Variants in ZFYVE1 observed in about 807,000 individuals in gnomAD.
ZFYVE1 encodes zinc finger FYVE-type containing 1.
Under a neutral mutation model 74.4 loss-of-function variants are expected in ZFYVE1, and 30 were observed. That is an observed-to-expected ratio of 0.40 (90% CI 0.30 to 0.55). ZFYVE1 has a LOEUF of 0.55. Ranked by LOEUF, ZFYVE1 falls within the 20% of genes least tolerant of loss-of-function variation. ZFYVE1 has a pLI of 0.42. For missense variants in ZFYVE1, 703 were observed against 1,011.6 expected, an observed-to-expected ratio of 0.69 and a Z score of 4.14; for synonymous variants, 335 against 385.1, an observed-to-expected ratio of 0.87 and a Z score of 1.52.
chr14:72,974,284 T>C (rs1893109091), intron 10 of ZFYVE1, 91 bp from the exon 11 acceptor site: 1 of 1,221,488 alleles, frequency 8.2e-7, no homozygotes, highest in South Asian at 1.3e-5. Context: ...TTCTGGATTC[T>C]GATCCCAGAC....
intron 4 of ZFYVE1, among the ~76,000 whole-genome samples, chr14:72,982,565 A>G (rs1893362819): frequency 6.6e-6 from 1 of 152,168 alleles, no homozygotes; most frequent in Admixed American, 6.6e-5. Flanking sequence ...TCCATTCCTA[A>G]TCCTATCTTC....
At chr14:72,983,796 A>C (rs963652568) in intron 4 of ZFYVE1, among the ~76,000 whole-genome samples, 3 of 152,220 alleles carry the variant, frequency 2.0e-5, no homozygotes, top group Non-Finnish European at 4.4e-5. Flanking sequence ...ACTAGTTTAC[A>C]GTCCCACCAA....
chr14:73,024,655 A>G lies in ZFYVE1; in HGVS notation c.-147T>C. On this transcript the variant is annotated 5_prime_UTR_variant, in exon 2 of 12. Transcript: ENST00000556143. ...AAAAGAACACCTTTCATGTCCTGTT[A>G]TAGTTCTTCACAAACAAATGTTCAA... 3.4e-6 allele frequency: 4 copies of G among 1,175,582 alleles called. 1 individual carries two copies. The South Asian group carries it at 7.7e-5, about 23-fold the overall frequency. The allele number at this position is 1,175,582 out of a possible 1,614,324, so 72.8% of individuals were successfully genotyped here. A position where few individuals can be genotyped will look rare whatever the true frequency, so the allele number is the denominator to read the frequency against.
At chr14:72,980,257 A>G (rs1159334312) in intron 5 of ZFYVE1, among the ~76,000 whole-genome samples, 2 of 152,228 alleles carry the variant, frequency 1.3e-5, no homozygotes, top group Non-Finnish European at 2.9e-5. Context: ...TGAAATGACC[A>G]TTCATAACAG....
intron 1 of ZFYVE1, among the ~76,000 whole-genome samples, chr14:73,025,879 A>C (rs2140396179): frequency 6.6e-6 from 1 of 152,226 alleles, no homozygotes; most frequent in South Asian, 2.1e-4. Context: ...CCTTGGAAGG[A>C]CAGCCCTCTG....
chr14:72,980,115 T>A (rs1327413108), intron 5 of ZFYVE1, among the ~76,000 whole-genome samples: 1 of 152,194 alleles, frequency 6.6e-6, no homozygotes, highest in African/African-American at 2.4e-5. Flanking sequence ...CCCTCTCCCC[T>A]TTCCAAACTG....
At chr14:73,016,624 G>A (rs1395370980) in intron 2 of ZFYVE1, among the ~76,000 whole-genome samples, 2 of 152,136 alleles carry the variant, frequency 1.3e-5, no homozygotes, top group African/African-American at 4.8e-5. Context: ...GCTCATGCCT[G>A]TAATCCCAGC....
intron 4 of ZFYVE1, among the ~76,000 whole-genome samples, chr14:72,985,893 G>C (rs185620484): frequency 6.6e-6 from 1 of 152,150 alleles, no homozygotes; most frequent in African/African-American, 2.4e-5. Context: ...GATTATAGGC[G>C]TGAGCCACTG....
chr14:72,991,391 G>T (rs909989645), intron 4 of ZFYVE1, among the ~76,000 whole-genome samples: 1 of 151,870 alleles, frequency 6.6e-6, no homozygotes, highest in Non-Finnish European at 1.5e-5. Flanking sequence ...GGGTTTCACC[G>T]TGTTAGCCAG....
chr14:73,026,711 A>G (rs1230918571), intron 1 of ZFYVE1, among the ~76,000 whole-genome samples: 2 of 151,690 alleles, frequency 1.3e-5, no homozygotes, highest in Non-Finnish European at 2.9e-5. Flanking sequence ...GAGGGGCAGG[A>G]GCGGAGCCTA....
intron 2 of ZFYVE1, among the ~76,000 whole-genome samples, chr14:73,016,365 G>A (rs1010502561): frequency 3.3e-5 from 5 of 152,144 alleles, no homozygotes; most frequent in African/African-American, 1.2e-4. Flanking sequence ...CAAAAAATTA[G>A]CCAGGCGTGG....
At chr14:73,001,862 C>A (rs1893880022) in intron 2 of ZFYVE1, among the ~76,000 whole-genome samples, 1 of 151,868 alleles carries the variant, frequency 6.6e-6, no homozygotes, top group Admixed American at 6.6e-5. Context: ...ACAGGAGAAT[C>A]GCTTGAACCC....
At chr14:72,989,000 G>T (rs1893549630) in intron 4 of ZFYVE1, among the ~76,000 whole-genome samples, 1 of 140,382 alleles carries the variant, frequency 7.1e-6, no homozygotes, top group Admixed American at 7.6e-5. Flanking sequence ...CGCAATCTCA[G>T]CAAACTGCAA....
At chr14:72,983,935 A>T (rs1893410769) in intron 4 of ZFYVE1, among the ~76,000 whole-genome samples, 1 of 152,214 alleles carries the variant, frequency 6.6e-6, no homozygotes, top group African/African-American at 2.4e-5. Flanking sequence ...ATCATTAAAA[A>T]GTCCAATGCA....
intron 2 of ZFYVE1, among the ~76,000 whole-genome samples, chr14:73,000,054 G>A (rs1346004332): frequency 6.6e-6 from 1 of 152,006 alleles, no homozygotes; most frequent in Non-Finnish European, 1.5e-5. Context: ...ACAAGAACCT[G>A]TCTCAAAAAA....
intron 3 of ZFYVE1, among the ~76,000 whole-genome samples, chr14:72,993,876 G>A (rs956094321): frequency 2.0e-5 from 3 of 151,622 alleles, no homozygotes; most frequent in African/African-American, 7.3e-5. Context: ...CTAGCCAAGC[G>A]TGGTGGCAGG....
chr14:73,004,484 T>A (rs1893937094), intron 2 of ZFYVE1, among the ~76,000 whole-genome samples: 1 of 151,986 alleles, frequency 6.6e-6, no homozygotes, highest in African/African-American at 2.4e-5. Context: ...ATAACTCATA[T>A]GGGATGGAAA....
At chr14:73,011,206 C>G (rs1357938238) in intron 2 of ZFYVE1, among the ~76,000 whole-genome samples, 1 of 151,408 alleles carries the variant, frequency 6.6e-6, no homozygotes, top group Non-Finnish European at 1.5e-5. Context: ...ACCCATATGG[C>G]TGGGGAGGTG....
chr14:72,988,980 A>G (rs1299076427), intron 4 of ZFYVE1, among the ~76,000 whole-genome samples: 1 of 138,984 alleles, frequency 7.2e-6, no homozygotes, highest in Non-Finnish European at 1.5e-5. Context: ...CCCAGGACAG[A>G]GTACAATGGC....
Sources: allele counts gnomAD v4.1 joint callset (sites outside exome capture counted in the v4.1 genomes callset), GRCh38; gene constraint gnomAD v4.1.1; transcripts MANE v1.5; gene names NCBI Gene and HGNC (gene_info 2026-07-23, HGNC 2026-07-21).